ANXA4: variants seen among roughly 807,000 people sequenced by gnomAD.
ANXA4 encodes the protein annexin A4, also known as 35-beta calcimedin.
ANXA4 carries 39 observed loss-of-function variants against 49.8 expected under a neutral mutation model. That is an observed-to-expected ratio of 0.78 (90% CI 0.61 to 1.02). ANXA4 has a LOEUF of 1.02. Ranked by LOEUF, ANXA4 falls within the 50% of genes least tolerant of loss-of-function variation. The pLI is 0.00. For synonymous variants in ANXA4, 134 were observed against 152.5 expected (o/e 0.88, Z 0.89); for missense variants, 360 against 410.1 (o/e 0.88, Z 1.05).
At chr2:69,811,444 GC>G (rs1673700880) in intron 7 of ANXA4, 1 of 152,216 alleles carries the variant, frequency 6.6e-6, no homozygotes, top group Non-Finnish European at 1.5e-5. Context: ...GGAACTGGAG[GC>G]TGGACGACCA....
rs74541943 is a variant in ANXA4, at chr2:69,707,548, G to A, written n.767-13226G>A. Among the ~76,000 whole-genome samples the A allele has an allele frequency of 1.0e-3, 153 of 152,208 alleles. No individual in the cohort carries two copies. In the East Asian group the frequency reaches 0.016, roughly 16 times the overall value. ...CTCATAACCGTGGAACCCCAAACACGACAGTTGTTCTTCGCATGTATTTAA... is the reference window on the plus strand; with the variant it reads ...CTCATAACCGTGGAACCCCAAACACAACAGTTGTTCTTCGCATGTATTTAA... On this transcript the variant is annotated intron_variant and non_coding_transcript_variant, in intron 2 of 3. Coordinates refer to the ANXA4 transcript ENST00000418066.
At chr2:69,794,651 C>T (rs1320142993) in intron 3 of ANXA4, among the ~76,000 whole-genome samples, 2 of 152,118 alleles carry the variant, frequency 1.3e-5, no homozygotes, top group Non-Finnish European at 2.9e-5. Flanking sequence ...CAAGCTCTGC[C>T]TTCCGAGTTC....
At chr2:69,689,053 T>A (rs1211709932) in intron 2 of ANXA4, among the ~76,000 whole-genome samples, 1 of 152,176 alleles carries the variant, frequency 6.6e-6, no homozygotes, top group African/African-American at 2.4e-5. Flanking sequence ...CTCTTCTTCC[T>A]CTTCGAAAAT....
At chr2:69,678,157 G>A (rs1449406506) in intron 2 of ANXA4, among the ~76,000 whole-genome samples, 8 of 152,086 alleles carry the variant, frequency 5.3e-5, no homozygotes, top group Non-Finnish European at 1.2e-4. Flanking sequence ...ATCTGTACAC[G>A]TTTTGCCCCT....
intron 8 of ANXA4, chr2:69,814,649 C>G (rs966939200): frequency 6.6e-6 from 1 of 152,148 alleles, no homozygotes; most frequent in Non-Finnish European, 1.5e-5. Flanking sequence ...GTGCCCAGCC[C>G]ACAACTATGC....
At chr2:69,712,694 T>A (rs1049132506) in intron 2 of ANXA4, among the ~76,000 whole-genome samples, 1 of 152,172 alleles carries the variant, frequency 6.6e-6, no homozygotes, top group Admixed American at 6.5e-5. Flanking sequence ...GGCCATGGGA[T>A]CTACCCACTC....
intron 8 of ANXA4, among the ~76,000 whole-genome samples, chr2:69,814,490 G>A (rs890255335): frequency 3.3e-5 from 5 of 151,610 alleles, no homozygotes; most frequent in South Asian, 2.1e-4. Context: ...GACTACAGGC[G>A]TGTGCCATCA....
intron 1 of ANXA4, among the ~76,000 whole-genome samples, chr2:69,765,636 G>A (rs372171812): frequency 1.1e-4 from 16 of 152,234 alleles, no homozygotes; most frequent in Admixed American, 5.2e-4. Context: ...AGCTTTGTTC[G>A]TTCTAGCGTT....
At chr2:69,678,510 C>T (rs1677487944) in intron 2 of ANXA4, among the ~76,000 whole-genome samples, 1 of 150,762 alleles carries the variant, frequency 6.6e-6, no homozygotes, top group South Asian at 2.1e-4. Flanking sequence ...ACTCCCACCT[C>T]AGCCTCCCAA....
At chr2:69,669,695 T>C (rs1160199544) in intron 2 of ANXA4, among the ~76,000 whole-genome samples, 3 of 152,212 alleles carry the variant, frequency 2.0e-5, no homozygotes, top group Non-Finnish European at 4.4e-5. Flanking sequence ...TTCTATATTC[T>C]TTATTGCAGG....
chr2:69,713,251 C>G (rs976587154), intron 2 of ANXA4, among the ~76,000 whole-genome samples: 4 of 152,064 alleles, frequency 2.6e-5, no homozygotes, highest in African/African-American at 7.2e-5. Flanking sequence ...TTCTTTGTTT[C>G]CATGAAGAAC....
intron 2 of ANXA4, among the ~76,000 whole-genome samples, chr2:69,782,072 A>G (rs888193159): frequency 3.3e-5 from 5 of 152,276 alleles, no homozygotes; most frequent in African/African-American, 9.6e-5. Context: ...CAAGCATCGA[A>G]TTGAATCCCT....
chr2:69,813,972 G>T, intron 8 of ANXA4, among the ~76,000 whole-genome samples: 1 of 151,648 alleles, frequency 6.6e-6, no homozygotes, highest in East Asian at 1.9e-4. Flanking sequence ...TGGCCAGGCT[G>T]GTCTTGAACT....
intron 2 of ANXA4, among the ~76,000 whole-genome samples, chr2:69,680,652 C>T (rs768948941): frequency 1.3e-5 from 2 of 152,028 alleles, no homozygotes; most frequent in East Asian, 1.9e-4. Context: ...TCCTATATGG[C>T]CTTTAGTATG....
chr2:69,744,483 C>T (rs567825782), intron 1 of ANXA4, among the ~76,000 whole-genome samples: 1 of 152,126 alleles, frequency 6.6e-6, no homozygotes, highest in Non-Finnish European at 1.5e-5. Context: ...ACCTCAAAAA[C>T]ATTTTGCTTG....
intron 3 of ANXA4, 67 bp from the exon 4 acceptor site, chr2:69,804,466 C>A: frequency 1.4e-6 from 2 of 1,427,144 alleles, no homozygotes; most frequent in East Asian, 2.4e-5. Context: ...CCAATGTCCA[C>A]AGAGGAACCT....
In ANXA4 at chr2:69,764,625, T is replaced by C. The variant is rs187990751; in HGVS notation, c.-46-16895T>C. ...ATGCACCCATCTTAAGTGGTTAGTT[T>C]GATGAGCCATCGTTTCTTTTAAGGA... On this transcript the variant is annotated intron_variant, in intron 1 of 12. Transcript: ENST00000394295. 4.6e-5 allele frequency among the ~76,000 whole-genome samples: 7 copies of C among 152,334 alleles called. No individual in the cohort carries two copies. In the East Asian group the frequency reaches 1.3e-3, roughly 29 times the overall value.
chr2:69,725,131 C>G (rs1000092664), intron 3 of ANXA4, among the ~76,000 whole-genome samples: 3 of 152,124 alleles, frequency 2.0e-5, no homozygotes, highest in Non-Finnish European at 4.4e-5. Context: ...CTGACATCCA[C>G]CTGAGAAATG....
chr2:69,677,086 G>A (rs1573091477), intron 2 of ANXA4, among the ~76,000 whole-genome samples: 1 of 152,118 alleles, frequency 6.6e-6, no homozygotes, highest in African/African-American at 2.4e-5. Flanking sequence ...AAAGTGTTGG[G>A]ATTATAGGCG....
Sources: allele counts gnomAD v4.1 joint callset (sites outside exome capture counted in the v4.1 genomes callset), GRCh38; gene constraint gnomAD v4.1.1; transcripts MANE v1.5; gene names NCBI Gene and HGNC (gene_info 2026-07-23, HGNC 2026-07-21).